Variants in CGAS observed in about 807,000 individuals in gnomAD.
The protein encoded by CGAS is 2'3'-cGAMP synthase.
A neutral mutation model predicts 34.0 loss-of-function variants in CGAS; 31 were observed. That is an observed-to-expected ratio of 0.91 (90% CI 0.69 to 1.23). The LOEUF (loss-of-function observed/expected upper bound fraction) is 1.23. Among genes scored for constraint, CGAS ranks in the 50% most tolerant of loss-of-function variants. The probability of loss-of-function intolerance (pLI) is 0.00; values close to 1 mark genes in which losing one functional copy is unlikely to be tolerated. For missense variants in CGAS, 597 were observed against 657.6 expected (o/e 0.91, Z 1.01); for synonymous variants, 266 against 260.0 (o/e 1.02, Z -0.22).
intron 1 of CGAS, among the ~76,000 whole-genome samples, chr6:73,446,677 G>A (rs1390458237): frequency 7.1e-5 from 1 of 14,142 alleles, no homozygotes; most frequent in Non-Finnish European, 1.3e-4. Flanking sequence ...GCAGTGAGCC[G>A]AGATTGCGCC....
At chr6:73,430,641 A>G (rs1770180021) in intron 3 of CGAS, among the ~76,000 whole-genome samples, 2 of 152,066 alleles carry the variant, frequency 1.3e-5, no homozygotes, top group South Asian at 4.2e-4. Flanking sequence ...GCTCCATCTC[A>G]AAAAAGAAAG....
intron 3 of CGAS, among the ~76,000 whole-genome samples, chr6:73,436,951 G>A (rs1262216499): frequency 6.6e-6 from 1 of 151,970 alleles, no homozygotes; most frequent in Admixed American, 6.6e-5. Flanking sequence ...GGGAGTTCAA[G>A]AGCAGCCTGG....
intron 3 of CGAS, among the ~76,000 whole-genome samples, chr6:73,430,301 T>C (rs1446350554): frequency 6.6e-6 from 1 of 152,156 alleles, no homozygotes; most frequent in Non-Finnish European, 1.5e-5. Flanking sequence ...CCATCATTAT[T>C]CATAGGTGAT....
intron 2 of CGAS, among the ~76,000 whole-genome samples, chr6:73,441,251 G>T (rs1469461064): frequency 3.3e-5 from 5 of 151,790 alleles, no homozygotes; most frequent in Non-Finnish European, 7.4e-5. Flanking sequence ...ACTGTGCCTG[G>T]TTAAATTTTC....
chr6:73,445,218 C>T (rs1473334670), intron 2 of CGAS, among the ~76,000 whole-genome samples: 6 of 151,730 alleles, frequency 4.0e-5, no homozygotes, highest in Non-Finnish European at 8.8e-5. Flanking sequence ...AATAAATATT[C>T]ATTGATTATT....
chr6:73,427,278 C>CTTTATTTA (rs10628387), intron 4 of CGAS, among the ~76,000 whole-genome samples: 3,495 of 143,526 alleles, frequency 0.024, 54 homozygotes, highest in Middle Eastern at 0.034. Flanking sequence ...GGCCAACTTA[C>CTTTATTTA]TTTATTTATT....
At chr6:73,450,415 CAAA>C (rs538531836) in intron 1 of CGAS, among the ~76,000 whole-genome samples, 1 of 84,096 alleles carries the variant, frequency 1.2e-5, no homozygotes. Context: ...AACTCCGTCT[CAAA>C]AAAAAAAAAA....
At chr6:73,429,721 G>C (rs1205388901) in intron 3 of CGAS, among the ~76,000 whole-genome samples, 1 of 151,990 alleles carries the variant, frequency 6.6e-6, no homozygotes, top group African/African-American at 2.4e-5. Context: ...AGCTACTTGG[G>C]AGGCTGAGGC....
chr6:73,445,894 T>C, intron 1 of CGAS, 147 bp from the exon 2 acceptor site: 3 of 591,854 alleles, frequency 5.1e-6, no homozygotes, highest in Non-Finnish European at 8.7e-6. Flanking sequence ...GTGGGACTAG[T>C]GGAGCTGGCA....
intron 2 of CGAS, among the ~76,000 whole-genome samples, chr6:73,442,530 A>G (rs966622149): frequency 6.6e-6 from 1 of 151,158 alleles, no homozygotes; most frequent in African/African-American, 2.4e-5. Flanking sequence ...CATCGTATGT[A>G]GCTGGGACCA....
chr6:73,451,961 A>T lies in CGAS; in HGVS notation c.221T>A (p.Val74Asp). Residue 74 changes from valine to aspartate, a missense_variant, in exon 1 of 5, where the codon GTC (valine) becomes GAC (aspartate). Val to Asp is a radical substitution (Grantham distance 152, BLOSUM62 -3). Around this residue, in one of 3 missense-constraint regions of CGAS, gnomAD observed 321 missense variants for 314.3 expected, o/e 1.02. Coordinates refer to ENST00000370315, the MANE Select transcript of CGAS (RefSeq NM_138441.3). The stretch of plus-strand genomic sequence containing the variant: ...TTTGGCGCGGGCCCCAGTTGCGCGG[A>T]CGGGCGGCCTCTCCTGGGTGTCCGG... ...SAPDTQERPP[V>D]RATGARAKKA... 6.7e-7 allele frequency: 1 copy of T among 1,486,702 alleles called. No individual in the cohort carries two copies. Among genetic ancestry groups the T allele is most frequent in the Middle Eastern group, 1.9e-4 (1 of 5,198 alleles). The allele number at this position is 1,486,702 out of a possible 1,614,324, so 92.1% of individuals were successfully genotyped here. A position where few individuals can be genotyped will look rare whatever the true frequency, so the allele number is the denominator to read the frequency against.
chr6:73,425,954 A>G (rs1770079178), intron 4 of CGAS, among the ~76,000 whole-genome samples: 1 of 151,754 alleles, frequency 6.6e-6, no homozygotes, highest in Non-Finnish European at 1.5e-5. Flanking sequence ...AGCCTGGGCA[A>G]CAAGAACGAA....
chr6:73,434,218 G>T lies in CGAS; in HGVS notation c.1115-5407C>A, dbSNP rs531003240. ...TTCACATCTGAGAATTCAACCAATC[G>T]TGAATTGAAACCCACAGATATGGAG... On this transcript the variant is annotated intron_variant, in intron 3 of 4. Transcript: ENST00000370315. Among the ~76,000 whole-genome samples the T allele has an allele frequency of 1.4e-3, 215 of 152,274 alleles. 1 individual carries two copies. The highest frequency in any genetic ancestry group is 4.9e-3 in the African/African-American group (204 of 41,550).
At chr6:73,445,085 T>C (rs560816646) in intron 2 of CGAS, among the ~76,000 whole-genome samples, 1 of 152,100 alleles carries the variant, frequency 6.6e-6, no homozygotes, top group South Asian at 2.1e-4. Context: ...TGGATATAGG[T>C]TTGGAGTGCA....
chr6:73,441,334 G>A (rs1468385470), intron 2 of CGAS, among the ~76,000 whole-genome samples: 1 of 152,100 alleles, frequency 6.6e-6, no homozygotes, highest in African/African-American at 2.4e-5. Flanking sequence ...GAAGAGACAG[G>A]CAGCAAAAAG....
chr6:73,430,577 G>T lies in CGAS; in HGVS notation c.1115-1766C>A, dbSNP rs112174149. Among the ~76,000 whole-genome samples, 67 of 151,962 alleles carry T rather than the reference G, an allele frequency of 4.4e-4. 2 individuals are homozygous for T. In the South Asian group the frequency reaches 5.8e-3, roughly 13 times the overall value. Reference sequence around the variant, plus strand: ...AATCCCTTGAACCCGGAATGCCGAGGTTGCAGTGAGTCGAGATCACGCCAC... The same window carrying T: ...AATCCCTTGAACCCGGAATGCCGAGTTTGCAGTGAGTCGAGATCACGCCAC... On this transcript the variant is annotated intron_variant, in intron 3 of 4. Transcript: ENST00000370315.
At chr6:73,450,334 G>A (rs1327955056) in intron 1 of CGAS, among the ~76,000 whole-genome samples, 2 of 151,200 alleles carry the variant, frequency 1.3e-5, no homozygotes, top group Non-Finnish European at 2.9e-5. Context: ...AGAATCGCTT[G>A]AACCTGGGAG....
chr6:73,425,461 T>C lies in CGAS; in HGVS notation c.1335A>G (p.Val445=). 1.9e-5 allele frequency: 30 copies of C among 1,614,166 alleles called. No individual in the cohort carries two copies. The highest frequency in any genetic ancestry group is 2.5e-5 in the Non-Finnish European group (29 of 1,180,034). The change falls in exon 5 of 5, where the codon GTA becomes GTG. Residue 445 remains valine (V), a synonymous_variant. Transcript: ENST00000370315. ...GACTGTCTTGAGGGTTCTGGGTACA[T>C]ACGTGAAAGAAGGCAGTTTTCACAT... The part of the protein sequence containing the change: ...SYHVKTAFFH[V]CTQNPQDSQW...
chr6:73,444,481 G>C (rs1318204045), intron 2 of CGAS, among the ~76,000 whole-genome samples: 1 of 151,278 alleles, frequency 6.6e-6, no homozygotes, highest in Non-Finnish European at 1.5e-5. Flanking sequence ...GCTAATTTTT[G>C]TATTTTTAGT....
Sources: allele counts gnomAD v4.1 joint callset (sites outside exome capture counted in the v4.1 genomes callset), GRCh38; gene constraint gnomAD v4.1.1; regional missense constraint gnomAD v4.1.1; transcripts MANE v1.5; gene names NCBI Gene and HGNC (gene_info 2026-07-23, HGNC 2026-07-21).